The following LRRC8D variants were observed in gnomAD, a reference collection of about 807,000 sequenced individuals.
LRRC8D encodes the protein volume-regulated anion channel subunit LRRC8D.
A neutral mutation model predicts 55.8 loss-of-function variants in LRRC8D; 20 were observed. The ratio of observed to expected loss-of-function variants is 0.36; its 90% CI spans 0.25 to 0.52. The LOEUF (loss-of-function observed/expected upper bound fraction) is 0.52. LRRC8D is among the 20% of genes least tolerant of loss of function. The probability of loss-of-function intolerance (pLI) is 0.93; values close to 1 mark genes in which losing one functional copy is unlikely to be tolerated. For missense variants in LRRC8D, 651 were observed against 1,030.8 expected (o/e 0.63, Z 5.05); for synonymous variants, 352 against 377.0 (o/e 0.93, Z 0.77).
At chr1:89,903,147 C>G (rs1662906649) in intron 2 of LRRC8D, among the ~76,000 whole-genome samples, 1 of 152,182 alleles carries the variant, frequency 6.6e-6, no homozygotes, top group African/African-American at 2.4e-5. Flanking sequence ...GGATTCTTCG[C>G]TCTGGCAGTG....
chr1:89,848,243 C>T lies in LRRC8D; in HGVS notation c.-3+4461C>T, dbSNP rs1475858390. The stretch of plus-strand genomic sequence containing the variant: ...CAATACTTCTGCGAATATGCCTTCC[C>T]TGTTTTTGTAGAGTCAGGACTGTGA... On this transcript the variant is annotated intron_variant, in intron 2 of 2. Transcript: ENST00000337338. Among the ~76,000 whole-genome samples, 3 of 152,168 alleles carry T rather than the reference C, an allele frequency of 2.0e-5. No individual in the cohort carries two copies. In the East Asian group the frequency reaches 5.8e-4, roughly 29 times the overall value.
At chr1:89,923,096 T>A (rs1392347868) in intron 2 of LRRC8D, among the ~76,000 whole-genome samples, 2 of 152,216 alleles carry the variant, frequency 1.3e-5, no homozygotes, top group African/African-American at 4.8e-5. Context: ...TCAACCAAAG[T>A]CCAATAACTT....
chr1:89,908,893 G>A (rs1365003822), intron 2 of LRRC8D, among the ~76,000 whole-genome samples: 4 of 152,140 alleles, frequency 2.6e-5, no homozygotes, highest in Admixed American at 2.6e-4. Context: ...ATAATTTGGG[G>A]ATTTATTTTT....
chr1:89,830,681 G>T (rs528268453), intron 1 of LRRC8D, among the ~76,000 whole-genome samples: 1 of 152,142 alleles, frequency 6.6e-6, no homozygotes, highest in Non-Finnish European at 1.5e-5. Context: ...TGGGAATGTG[G>T]GCCGGTGTTG....
chr1:89,855,968 T>G (rs12083359), intron 2 of LRRC8D, among the ~76,000 whole-genome samples: 11,506 of 151,962 alleles, frequency 0.076, 599 homozygotes, highest in South Asian at 0.21. Flanking sequence ...GTTCTGGGGG[T>G]TTGTTTTGTT....
At chr1:89,916,585 A>G (rs574823205) in intron 2 of LRRC8D, among the ~76,000 whole-genome samples, 2 of 152,214 alleles carry the variant, frequency 1.3e-5, no homozygotes, top group Non-Finnish European at 2.9e-5. Context: ...TTAAGTCTTC[A>G]TTACGCTTTA....
intron 2 of LRRC8D, among the ~76,000 whole-genome samples, chr1:89,909,051 T>C (rs1426953919): frequency 1.3e-5 from 2 of 152,132 alleles, no homozygotes; most frequent in East Asian, 3.8e-4. Flanking sequence ...TGTGTCTGTG[T>C]GTGTGTCTGA....
intron 2 of LRRC8D, among the ~76,000 whole-genome samples, chr1:89,932,266 CATT>C (rs1162427756): frequency 9.2e-5 from 14 of 152,224 alleles, no homozygotes; most frequent in African/African-American, 3.4e-4. Flanking sequence ...GCATCACCAT[CATT>C]GATTATTTCA....
chr1:89,932,603 C>A (rs933805755), intron 2 of LRRC8D, among the ~76,000 whole-genome samples: 6 of 152,188 alleles, frequency 3.9e-5, no homozygotes, highest in Admixed American at 2.6e-4. Flanking sequence ...AAGGAATCAA[C>A]CATTAGTAAG....
chr1:89,830,336 C>T (rs1241228554), intron 1 of LRRC8D, among the ~76,000 whole-genome samples: 1 of 152,226 alleles, frequency 6.6e-6, no homozygotes, highest in East Asian at 1.9e-4. Flanking sequence ...ACCCTTCCTA[C>T]AAACACACAC....
chr1:89,853,760 T>C (rs1289882361), intron 2 of LRRC8D, among the ~76,000 whole-genome samples: 1 of 151,932 alleles, frequency 6.6e-6, no homozygotes, highest in Non-Finnish European at 1.5e-5. Context: ...AGGTATTCAG[T>C]GGGTAGTCAG....
chr1:89,895,451 C>T (rs1477018086), intron 2 of LRRC8D, among the ~76,000 whole-genome samples: 4 of 152,106 alleles, frequency 2.6e-5, no homozygotes, highest in African/African-American at 9.7e-5. Flanking sequence ...TAGCCCTGTG[C>T]AAACTCAAAA....
rs541307766 is a variant in LRRC8D, at chr1:89,933,376, C to G, written c.308C>G (p.Ser103Cys). The part of the protein sequence containing the change: ...RTTNDISFGT[S>C]AVTPDIPLRA... ...ACAAACGACATTTCCTTTGGGACAT[C>G]TGCTGTGACACCTGACATACCTCTC... The change falls in exon 3 of 3, where the codon TCT (serine) becomes TGT (cysteine). Residue 103 changes from serine to cysteine, a missense_variant. By Grantham distance (112) the Ser-to-Cys change is moderately radical. Transcript: ENST00000337338. This position sits in a 1 kb window ranked among gnomAD's most constrained non-coding sequence, Gnocchi z 7.0. The G allele has an allele frequency of 1.2e-6, 2 of 1,614,042 alleles. No individual in the cohort carries two copies. Among genetic ancestry groups the G allele is most frequent in the African/African-American group, 2.7e-5 (2 of 74,922 alleles).
Position 89,935,819 on chromosome 1 carries a change from G to T in LRRC8D, c.*174G>T. On this transcript the variant is annotated 3_prime_UTR_variant, in exon 3 of 3. Coordinates refer to ENST00000337338, the MANE Select transcript of LRRC8D (RefSeq NM_001134479.2). ...CATAACTGAATGTTCAATGTTTGTAGGGTTTTAAGTCATTCATTTCCAAAT... is the reference window on the plus strand; with the variant it reads ...CATAACTGAATGTTCAATGTTTGTATGGTTTTAAGTCATTCATTTCCAAAT... 1 of 585,640 alleles carries T rather than the reference G, an allele frequency of 1.7e-6. No homozygotes were observed. Among genetic ancestry groups the T allele is most frequent in the Non-Finnish European group, 2.9e-6 (1 of 341,728 alleles). The allele number at this position is 585,640 out of a possible 1,614,324, so 36.3% of individuals were successfully genotyped here.
At chr1:89,931,632 G>A (rs765955962) in intron 2 of LRRC8D, among the ~76,000 whole-genome samples, 5 of 152,118 alleles carry the variant, frequency 3.3e-5, no homozygotes, top group Non-Finnish European at 7.3e-5. Flanking sequence ...GGTGGTGGAT[G>A]CCTGTAGTCC....
At chr1:89,860,204 C>T (rs1661666963) in intron 2 of LRRC8D, among the ~76,000 whole-genome samples, 1 of 152,126 alleles carries the variant, frequency 6.6e-6, no homozygotes. Context: ...CGAACCATTC[C>T]AAGATAAAGA....
intron 2 of LRRC8D, among the ~76,000 whole-genome samples, chr1:89,867,414 GTAATGT>G: frequency 6.6e-6 from 1 of 152,080 alleles, no homozygotes; most frequent in East Asian, 1.9e-4. Context: ...GTACCATTCT[GTAATGT>G]TAAGTATATT....
chr1:89,907,183 C>CTTTTTTTT (rs71584958), intron 2 of LRRC8D, among the ~76,000 whole-genome samples: 9 of 69,814 alleles, frequency 1.3e-4, no homozygotes, highest in Non-Finnish European at 2.2e-4. Flanking sequence ...TCCACTGTGT[C>CTTTTTTTT]TTTTTTTTTT....
chr1:89,876,445 A>T (rs1404933966), intron 2 of LRRC8D, among the ~76,000 whole-genome samples: 1 of 152,158 alleles, frequency 6.6e-6, no homozygotes, highest in Non-Finnish European at 1.5e-5. Context: ...GGGTTAGAGG[A>T]TGTGCACTTC....
Sources: allele counts gnomAD v4.1 joint callset (sites outside exome capture counted in the v4.1 genomes callset), GRCh38; gene constraint gnomAD v4.1.1; non-coding constraint Gnocchi (gnomAD v3.1); transcripts MANE v1.5; gene names NCBI Gene and HGNC (gene_info 2026-07-23, HGNC 2026-07-21).